The following TTC13 variants were observed in gnomAD, a reference collection of about 807,000 sequenced individuals.
TTC13 encodes the protein tetratricopeptide repeat protein 13.
TTC13 carries 62 observed loss-of-function variants against 120.0 expected under a neutral mutation model. The ratio of observed to expected loss-of-function variants is 0.52; its 90% confidence interval spans 0.42 to 0.64. The LOEUF is 0.64. TTC13 is among the 30% of genes least tolerant of loss of function. The pLI is 0.00. For missense variants in TTC13, 824 were observed against 1,050.2 expected (o/e 0.78, Z 2.98); for synonymous variants, 384 against 393.5 (o/e 0.98, Z 0.28).
At chr1:230,916,641 T>A (rs1036136710) in intron 17 of TTC13, among the ~76,000 whole-genome samples, 10 of 152,244 alleles carry the variant, frequency 6.6e-5, no homozygotes, top group African/African-American at 2.4e-4. Flanking sequence ...CAACCTTGAA[T>A]CATGGCAGAA....
chr1:230,925,092 G>A (rs890330703), intron 13 of TTC13, 119 bp from the exon 14 acceptor site: 107 of 1,268,158 alleles, frequency 8.4e-5, no homozygotes, highest in Non-Finnish European at 1.2e-4. Flanking sequence ...AAGTATTGGT[G>A]ATATAACAAG....
At chr1:230,963,844 A>G (rs1676883185) in intron 1 of TTC13, among the ~76,000 whole-genome samples, 1 of 152,034 alleles carries the variant, frequency 6.6e-6, no homozygotes. Context: ...AAGAAAAAGT[A>G]TGAGTTTGGA....
In TTC13 at chr1:230,906,473, T is replaced by C. The variant is rs1670945340; in HGVS notation, c.*432A>G. On this transcript the variant is annotated 3_prime_UTR_variant, in exon 23 of 23. Transcript: ENST00000366661. ...GACCCACACATGGAGGTTACGTGAG[T>C]CAACAAAAGATGCTCTATCACAATG... is the stretch of plus-strand genomic sequence containing the variant. 1 of 152,282 alleles carries C rather than the reference T, an allele frequency of 6.6e-6. No individual in the cohort carries two copies. Among genetic ancestry groups the C allele is most frequent in the Admixed American group, 6.6e-5 (1 of 15,254 alleles). The allele number at this position is 152,282 out of a possible 1,614,324, so 9.4% of individuals were successfully genotyped here.
chr1:230,917,748 T>A (rs1434141686), intron 17 of TTC13, among the ~76,000 whole-genome samples: 1 of 152,110 alleles, frequency 6.6e-6, no homozygotes, highest in African/African-American at 2.4e-5. Flanking sequence ...TACAGTCTTG[T>A]AGCCCACTCT....
intron 8 of TTC13, among the ~76,000 whole-genome samples, chr1:230,935,019 C>T (rs1236264626): frequency 1.3e-5 from 2 of 152,202 alleles, no homozygotes; most frequent in African/African-American, 4.8e-5. Context: ...GGTGTGCAAA[C>T]TCTTCAAAGG....
rs199657136 is a variant in TTC13 at position 230,920,498 on chromosome 1, T to C, written c.1983+12A>G. 229 of 1,603,224 alleles carry C rather than the reference T, an allele frequency of 1.4e-4. No individual in the cohort carries two copies. Among genetic ancestry groups the C allele is most frequent in the Non-Finnish European group, 1.8e-4 (207 of 1,171,200 alleles). ...CTAAAAACATGGACTGCCATTCTGA[T>C]GCTAAAGTTACCTTCATAATCGGAA... On this transcript the variant is annotated intron_variant, in intron 17 of 22. Coordinates refer to ENST00000366661, the MANE Select transcript of TTC13 (RefSeq NM_024525.5).
At chr1:230,947,326 T>A (rs1259203937) in intron 4 of TTC13, among the ~76,000 whole-genome samples, 1 of 151,946 alleles carries the variant, frequency 6.6e-6, no homozygotes, top group Non-Finnish European at 1.5e-5. Context: ...GGGAACCTAA[T>A]GAGGAATTAA....
At chr1:230,916,385 C>T in intron 17 of TTC13, 83 bp from the exon 18 acceptor site, 1 of 1,037,298 alleles carries the variant, frequency 9.6e-7, no homozygotes, top group Non-Finnish European at 1.5e-6. Flanking sequence ...CTGGCTCTAC[C>T]TTACATGTTT....
chr1:230,924,975 T>C lies in TTC13; in HGVS notation c.1589-2A>G. The C allele has an allele frequency of 6.2e-7, 1 of 1,614,150 alleles. No homozygotes were observed. The stretch of plus-strand genomic sequence containing the variant: ...CCTCCAATGCGGCCAAACCCATAGC[T>C]ACGAGAAAGGAATATCGAGAAGAGT... On this transcript the variant is annotated splice_acceptor_variant, in intron 13 of 22. Coordinates refer to ENST00000366661, the MANE Select transcript of TTC13 (RefSeq NM_024525.5). LOFTEE classifies it high-confidence loss of function.
At position 230,943,855 on chromosome 1, in the gene TTC13, A is replaced by G. The variant is rs756846088; in HGVS notation, c.623T>C (p.Val208Ala). ...TGGACGATCTGGTTCCAAGGTAATTACTCGGCTCAGTTCGAACAGAGCAAG... is the reference window on the plus strand; with the variant it reads ...TGGACGATCTGGTTCCAAGGTAATTGCTCGGCTCAGTTCGAACAGAGCAAG... ...AELALFELSR[V>A]ITLEPDRPEV... Residue 208 changes from valine to alanine, a missense_variant, in exon 6 of 23, where the codon GTA becomes GCA. By Grantham distance (64) the Val-to-Ala change is moderately conservative. This residue lies in a region of TTC13 where 430 missense variants were observed against 626.8 expected (regional missense o/e 0.69). Transcript: ENST00000366661. 5.6e-6 allele frequency: 9 copies of G among 1,612,146 alleles called. No homozygotes were observed. The African/African-American group carries it at 1.1e-4, about 19-fold the overall frequency.
At chr1:230,921,799 G>A (rs1040354051) in intron 15 of TTC13, among the ~76,000 whole-genome samples, 2 of 152,068 alleles carry the variant, frequency 1.3e-5, no homozygotes, top group Admixed American at 6.5e-5. Flanking sequence ...TCATATCAGC[G>A]TCCTCTGACG....
chr1:230,923,779 A>G, intron 15 of TTC13, 62 bp downstream of exon 15: 7 of 1,420,172 alleles, frequency 4.9e-6, no homozygotes, highest in Non-Finnish European at 4.9e-6. Context: ...CCTGGTCTCC[A>G]TGGCCTGTGT....
At position 230,912,683 on chromosome 1, in the gene TTC13, A is replaced by C; in HGVS notation, c.2169T>G (p.Asp723Glu). ...TTGCTGTCAAATCTTTATAAAGTGC[A>C]TCTATTTCAGCATGATATAATTGTG... ...ERTQLYHAEI[D>E]ALYKDLTAKG... The change falls in exon 19 of 23, where the codon GAT becomes GAG. Residue 723 changes from aspartate to glutamate, a missense_variant. This residue lies in a region of TTC13 where 226 missense variants were observed against 259.1 expected (regional missense o/e 0.87). Coordinates refer to ENST00000366661, the MANE Select transcript of TTC13 (RefSeq NM_024525.5). 2 of 1,612,912 alleles carry C rather than the reference A, an allele frequency of 1.2e-6. No individual in the cohort carries two copies. Among genetic ancestry groups the C allele is most frequent in the Non-Finnish European group, 1.7e-6 (2 of 1,179,564 alleles).
chr1:230,924,386 G>T (rs1672860666), intron 14 of TTC13, among the ~76,000 whole-genome samples: 1 of 152,204 alleles, frequency 6.6e-6, no homozygotes, highest in African/African-American at 2.4e-5. Context: ...AGGCTGGAGT[G>T]CAGTGGCGCG....
chr1:230,921,308 G>T, intron 16 of TTC13, 113 bp downstream of exon 16: 1 of 611,034 alleles, frequency 1.6e-6, no homozygotes, highest in Non-Finnish European at 2.9e-6. Flanking sequence ...GTAAAAATTT[G>T]ATAGACCTTG....
intron 1 of TTC13, among the ~76,000 whole-genome samples, chr1:230,969,761 A>G (rs1572299090): frequency 6.6e-6 from 1 of 152,200 alleles, no homozygotes; most frequent in African/African-American, 2.4e-5. Context: ...CATCTGCAAA[A>G]TAGAAATAAC....
At chr1:230,955,633 T>C (rs1362219936) in intron 3 of TTC13, among the ~76,000 whole-genome samples, 2 of 135,658 alleles carry the variant, frequency 1.5e-5, no homozygotes, top group Non-Finnish European at 3.0e-5. Context: ...ATGGCGCCAC[T>C]GCACTCCAGC....
At position 230,906,459 on chromosome 1, in the gene TTC13, G is replaced by A. The variant is rs1468996186; in HGVS notation, c.*446C>T. ...CTAATAAAACAAAGGACCCACACAT[G>A]GAGGTTACGTGAGTCAACAAAAGAT... is the stretch of plus-strand genomic sequence containing the variant. On this transcript the variant is annotated 3_prime_UTR_variant, in exon 23 of 23. Transcript: ENST00000366661. The A allele has an allele frequency of 6.6e-6, 1 of 152,300 alleles. No individual in the cohort carries two copies. The highest frequency in any genetic ancestry group is 2.4e-5 in the African/African-American group (1 of 41,424). 9.4% of individuals were successfully genotyped at this position (152,300 alleles called of 1,614,324 possible). A position where few individuals can be genotyped will look rare whatever the true frequency, so the allele number is the denominator to read the frequency against.
At chr1:230,948,559 C>T (rs1490492447) in intron 4 of TTC13, among the ~76,000 whole-genome samples, 1 of 151,656 alleles carries the variant, frequency 6.6e-6, no homozygotes, top group African/African-American at 2.4e-5. Flanking sequence ...GTGGTGCAAG[C>T]CTAGCTCACT....
Sources: allele counts gnomAD v4.1 joint callset (sites outside exome capture counted in the v4.1 genomes callset), GRCh38; gene constraint gnomAD v4.1.1; regional missense constraint gnomAD v4.1.1; transcripts MANE v1.5; gene names NCBI Gene and HGNC (gene_info 2026-07-23, HGNC 2026-07-21).